Variants in BANK1 observed in about 807,000 individuals in gnomAD.
BANK1 encodes the protein B-cell scaffold protein with ankyrin repeats.
In BANK1, 95 loss-of-function variants were observed where a neutral mutation model predicts 94.5. That is an observed-to-expected ratio of 1.00 (90% CI 0.85 to 1.19). BANK1 has a LOEUF of 1.19. Among genes scored for constraint, BANK1 ranks in the 50% most tolerant of loss-of-function variants. The pLI is 0.00. For missense variants in BANK1, 987 were observed against 932.2 expected, an observed-to-expected ratio of 1.06 and a Z score of -0.77; for synonymous variants, 334 against 308.4, an observed-to-expected ratio of 1.08 and a Z score of -0.87.
chr4:101,831,308 A>G lies in BANK1; in HGVS notation c.469+1102A>G, dbSNP rs10516485. Among the ~76,000 whole-genome samples the G allele has an allele frequency of 5.2e-3, 797 of 152,262 alleles. 13 individuals are homozygous for G. In the East Asian group the frequency reaches 0.06, roughly 12 times the overall value. ...AGTAATTTCCAAACCTGGATCCAGC[A>G]TAAGTGTTGGAGTTCTGTAAATCCA... On this transcript the variant is annotated intron_variant, in intron 2 of 16. Transcript: ENST00000322953.
chr4:101,951,360 C>T (rs61122411), intron 7 of BANK1, among the ~76,000 whole-genome samples: 137 of 152,122 alleles, frequency 9.0e-4, no homozygotes, highest in African/African-American at 3.1e-3. Context: ...AAAATATGTA[C>T]AATTTTATAT....
At chr4:102,015,075 A>G (rs570298415) in intron 7 of BANK1, among the ~76,000 whole-genome samples, 1 of 152,230 alleles carries the variant, frequency 6.6e-6, no homozygotes, top group South Asian at 2.1e-4. Flanking sequence ...AACTTCATTT[A>G]TAAATGGTAG....
At chr4:101,820,208 A>T (rs986135176) in intron 1 of BANK1, among the ~76,000 whole-genome samples, 7 of 152,216 alleles carry the variant, frequency 4.6e-5, no homozygotes, top group Admixed American at 2.6e-4. Flanking sequence ...CAATCTTCTG[A>T]TTCATCTTTC....
chr4:101,796,872 CAT>C (rs1725173956), intron 1 of BANK1, among the ~76,000 whole-genome samples: 1 of 151,946 alleles, frequency 6.6e-6, no homozygotes, highest in Non-Finnish European at 1.5e-5. Flanking sequence ...TGTCACAAAA[CAT>C]ATTTACTTAG....
intron 7 of BANK1, among the ~76,000 whole-genome samples, chr4:101,925,345 T>G (rs1204986957): frequency 1.3e-5 from 2 of 151,758 alleles, no homozygotes; most frequent in Non-Finnish European, 2.9e-5. Context: ...ATCTTCATTG[T>G]ACCAAATGCC....
intron 7 of BANK1, among the ~76,000 whole-genome samples, chr4:101,939,444 A>G (rs934012676): frequency 6.6e-6 from 1 of 151,766 alleles, no homozygotes; most frequent in Non-Finnish European, 1.5e-5. Context: ...GGATGTGAGG[A>G]GAGATGTCTT....
chr4:101,890,423 T>C (rs1355417590), intron 5 of BANK1, among the ~76,000 whole-genome samples: 1 of 151,824 alleles, frequency 6.6e-6, no homozygotes, highest in Non-Finnish European at 1.5e-5. Context: ...TCCCTTTCTG[T>C]CTCCTGTAAA....
intron 1 of BANK1, among the ~76,000 whole-genome samples, chr4:101,817,105 G>A (rs923063714): frequency 3.3e-5 from 5 of 152,166 alleles, no homozygotes; most frequent in Middle Eastern, 3.4e-3. Context: ...CTGGCTACCC[G>A]GTAAATGGGC....
At chr4:101,835,274 T>C (rs1020487362) in intron 2 of BANK1, among the ~76,000 whole-genome samples, 6 of 152,204 alleles carry the variant, frequency 3.9e-5, no homozygotes, top group African/African-American at 1.4e-4. Flanking sequence ...CTTGAATCCT[T>C]CTGGTTTTCA....
chr4:101,996,409 G>A (rs191944929), intron 7 of BANK1, among the ~76,000 whole-genome samples: 24 of 152,156 alleles, frequency 1.6e-4, no homozygotes, highest in African/African-American at 5.3e-4. Flanking sequence ...TAGCTATATG[G>A]GCTCTTTTTT....
Position 101,951,333 on chromosome 4 carries a change from G to A in BANK1, c.1206+33144G>A, listed in dbSNP as rs77854740. Reference sequence around the variant, plus strand: ...ACTTAGAGCTTTTTTAAAAAACAGAGGAAATGTCTTTTTATAAAAATATGT... The same window carrying A: ...ACTTAGAGCTTTTTTAAAAAACAGAAGAAATGTCTTTTTATAAAAATATGT... On this transcript the variant is annotated intron_variant, in intron 7 of 16. Coordinates refer to ENST00000322953, the MANE Select transcript of BANK1 (RefSeq NM_017935.5). 5.6e-3 allele frequency among the ~76,000 whole-genome samples: 853 copies of A among 152,064 alleles called. 15 individuals carry two copies. The East Asian group carries it at 0.057, about 10-fold the overall frequency.
intron 7 of BANK1, among the ~76,000 whole-genome samples, chr4:102,010,074 G>A (rs950271447): frequency 1.3e-5 from 2 of 151,404 alleles, no homozygotes; most frequent in Admixed American, 1.3e-4. Context: ...AGACCATCCT[G>A]GCTAACACGG....
chr4:101,861,187 T>C (rs1455685596), intron 3 of BANK1, among the ~76,000 whole-genome samples: 1 of 151,618 alleles, frequency 6.6e-6, no homozygotes, highest in Admixed American at 6.6e-5. Flanking sequence ...TAGTTTTCCC[T>C]GTGGAAAAAT....
chr4:101,889,355 A>G (rs1721761033), intron 5 of BANK1, among the ~76,000 whole-genome samples: 1 of 152,132 alleles, frequency 6.6e-6, no homozygotes, highest in South Asian at 2.1e-4. Flanking sequence ...TTTTAAAAGA[A>G]TCACAGGCCG....
At chr4:102,012,272 A>C (rs1726535506) in intron 7 of BANK1, among the ~76,000 whole-genome samples, 1 of 152,160 alleles carries the variant, frequency 6.6e-6, no homozygotes, top group East Asian at 1.9e-4. Flanking sequence ...ACTGGATGTT[A>C]CCTGCCCTCA....
intron 1 of BANK1, among the ~76,000 whole-genome samples, chr4:101,796,148 AAAGAAACTGTG>A (rs1192600500): frequency 6.6e-6 from 1 of 152,216 alleles, no homozygotes; most frequent in East Asian, 1.9e-4. Flanking sequence ...GCATAAGTAG[AAAGAAACTGTG>A]ATGAAAAAAC....
intron 7 of BANK1, among the ~76,000 whole-genome samples, chr4:101,948,631 CTG>C (rs1179624734): frequency 1.3e-5 from 2 of 152,076 alleles, no homozygotes; most frequent in East Asian, 3.9e-4. Context: ...CTGGGAGGTG[CTG>C]TGGATATTGC....
At chr4:101,817,990 G>T (rs1330582900) in intron 1 of BANK1, among the ~76,000 whole-genome samples, 1 of 152,066 alleles carries the variant, frequency 6.6e-6, no homozygotes, top group Non-Finnish European at 1.5e-5. Context: ...GATATTTCAG[G>T]TTCCTGAACT....
In BANK1 at chr4:101,892,945, A is replaced by C. The variant is rs1024827302; in HGVS notation, c.904-2360A>C. 2.4e-4 allele frequency among the ~76,000 whole-genome samples: 37 copies of C among 152,022 alleles called. 1 individual carries two copies. The highest frequency in any genetic ancestry group is 1.3e-4 in the Admixed American group (2 of 15,244). On this transcript the variant is annotated intron_variant, in intron 5 of 16. Coordinates refer to ENST00000322953, the MANE Select transcript of BANK1 (RefSeq NM_017935.5). ...GAGAAATCTTGGAATTATTTTTCATAGCCATTTCTGTGATTTTTCACATCT... is the reference window on the plus strand; with the variant it reads ...GAGAAATCTTGGAATTATTTTTCATCGCCATTTCTGTGATTTTTCACATCT...
Sources: allele counts gnomAD v4.1 joint callset (sites outside exome capture counted in the v4.1 genomes callset), GRCh38; gene constraint gnomAD v4.1.1; transcripts MANE v1.5; gene names NCBI Gene and HGNC (gene_info 2026-07-23, HGNC 2026-07-21).